The following KCNIP4 variants were observed in gnomAD, a reference collection of about 807,000 sequenced individuals.
KCNIP4 encodes the protein potassium voltage-gated channel interacting protein 4.
Under a neutral mutation model 34.0 loss-of-function variants are expected in KCNIP4, and 12 were observed. The ratio of observed to expected loss-of-function variants is 0.35; its 90% CI spans 0.23 to 0.57. The LOEUF is 0.57. KCNIP4 is among the 20% of genes least tolerant of loss of function. KCNIP4 has a pLI of 0.83. For synonymous variants in KCNIP4, 124 were observed against 102.2 expected, an observed-to-expected ratio of 1.21 and a Z score of -1.29; for missense variants, 238 against 311.7, an observed-to-expected ratio of 0.76 and a Z score of 1.78.
chr4:21,261,707 T>C (rs11722994), intron 1 of KCNIP4, among the ~76,000 whole-genome samples: 42,256 of 151,992 alleles, frequency 0.28, 6,176 homozygotes, highest in South Asian at 0.33. Context: ...CCTAATCTAT[T>C]AAGTCCTATT....
intron 1 of KCNIP4, among the ~76,000 whole-genome samples, chr4:21,797,032 A>G (rs1334173380): frequency 6.6e-6 from 1 of 152,316 alleles, no homozygotes; most frequent in East Asian, 1.9e-4. Flanking sequence ...ATTTTCTACC[A>G]TCACTAGTCA....
At position 21,571,779 on chromosome 4, in the gene KCNIP4, A is replaced by G. The variant is rs1276089355; in HGVS notation, c.61+376792T>C. On this transcript the variant is annotated intron_variant, in intron 1 of 8. Coordinates refer to ENST00000382152, the MANE Select transcript of KCNIP4 (RefSeq NM_025221.6). ...AGCTTGCAAACTCTGATAAATGTTT[A>G]AGATTTAATGGGGAGTGTCCACACA... is the stretch of plus-strand genomic sequence containing the variant. 2.0e-5 allele frequency among the ~76,000 whole-genome samples: 3 copies of G among 152,190 alleles called. No homozygotes were observed. In the East Asian group the frequency reaches 5.8e-4, roughly 29 times the overall value.
chr4:21,587,984 G>A (rs1389013478), intron 1 of KCNIP4, among the ~76,000 whole-genome samples: 1 of 151,944 alleles, frequency 6.6e-6, no homozygotes, highest in Non-Finnish European at 1.5e-5. Context: ...CTAATAAAAT[G>A]TTCCCTTTCT....
chr4:21,514,737 A>C (rs566926448), intron 1 of KCNIP4, among the ~76,000 whole-genome samples: 5 of 152,258 alleles, frequency 3.3e-5, no homozygotes, highest in African/African-American at 1.2e-4. Flanking sequence ...AAGTGAAAGA[A>C]AGACTCTCTC....
At chr4:20,899,370 G>T (rs1412440117) in intron 1 of KCNIP4, among the ~76,000 whole-genome samples, 1 of 152,120 alleles carries the variant, frequency 6.6e-6, no homozygotes, top group Non-Finnish European at 1.5e-5. Flanking sequence ...TTGAAAACAG[G>T]CCCTGCTGCT....
intron 1 of KCNIP4, among the ~76,000 whole-genome samples, chr4:21,320,717 T>A (rs1238912069): frequency 6.6e-6 from 1 of 152,018 alleles, no homozygotes; most frequent in Non-Finnish European, 1.5e-5. Flanking sequence ...ATGCCTGTAA[T>A]CTCAGCACTT....
In KCNIP4 at chr4:21,736,834, C is replaced by T. The variant is rs76756769; in HGVS notation, c.61+211737G>A. 1.1e-4 allele frequency among the ~76,000 whole-genome samples: 17 copies of T among 152,208 alleles called. No homozygotes were observed. In the East Asian group the frequency reaches 1.7e-3, roughly 16 times the overall value. ...ACACACAGTGTTCATTAAAAGCTTGCGCTCAATGTATATGAGTGACTAATC... is the reference window on the plus strand; with the variant it reads ...ACACACAGTGTTCATTAAAAGCTTGTGCTCAATGTATATGAGTGACTAATC... On this transcript the variant is annotated intron_variant, in intron 1 of 8. Transcript: ENST00000382152.
intron 3 of KCNIP4, among the ~76,000 whole-genome samples, chr4:20,764,975 G>A (rs1167619087): frequency 6.6e-6 from 1 of 152,078 alleles, no homozygotes; most frequent in Non-Finnish European, 1.5e-5. Flanking sequence ...CTGAAAGGTG[G>A]GTATTATTTA....
intron 1 of KCNIP4, among the ~76,000 whole-genome samples, chr4:20,972,886 A>G (rs1184659189): frequency 6.6e-6 from 1 of 152,240 alleles, no homozygotes; most frequent in Non-Finnish European, 1.5e-5. Context: ...AACTAGAATT[A>G]GAAGTGGAGC....
chr4:21,451,714 G>A (rs1728519454), intron 1 of KCNIP4, among the ~76,000 whole-genome samples: 1 of 152,112 alleles, frequency 6.6e-6, no homozygotes, highest in South Asian at 2.1e-4. Flanking sequence ...AAACACGTCA[G>A]TGGTGTTGGT....
chr4:21,269,100 G>A (rs1306709396), intron 1 of KCNIP4, among the ~76,000 whole-genome samples: 1 of 152,218 alleles, frequency 6.6e-6, no homozygotes, highest in African/African-American at 2.4e-5. Context: ...TGGTTTTATA[G>A]AGGAGAGTGA....
At chr4:20,851,999 C>T (rs564708709) in intron 2 of KCNIP4, among the ~76,000 whole-genome samples, 1 of 151,764 alleles carries the variant, frequency 6.6e-6, no homozygotes, top group African/African-American at 2.4e-5. Context: ...TGGGTGACAG[C>T]ATGAGACCCT....
At chr4:21,345,581 A>T (rs1020273677) in intron 1 of KCNIP4, among the ~76,000 whole-genome samples, 2 of 152,118 alleles carry the variant, frequency 1.3e-5, no homozygotes, top group Non-Finnish European at 2.9e-5. Context: ...ACACTTTTTA[A>T]TAAAAAAAAA....
At chr4:21,438,882 A>T (rs1727190553) in intron 1 of KCNIP4, among the ~76,000 whole-genome samples, 1 of 152,048 alleles carries the variant, frequency 6.6e-6, no homozygotes, top group South Asian at 2.1e-4. Context: ...TAGAGAAAGG[A>T]CGGGGCGTGG....
chr4:20,811,515 GC>G (rs1715761561), intron 3 of KCNIP4, among the ~76,000 whole-genome samples: 1 of 35,910 alleles, frequency 2.8e-5, no homozygotes, highest in African/African-American at 8.3e-5. Flanking sequence ...GTGTGTGTGT[GC>G]GCGCGCGCAC....
intron 1 of KCNIP4, among the ~76,000 whole-genome samples, chr4:21,116,809 ACTTT>A (rs1025113914): frequency 1.1e-4 from 17 of 152,194 alleles, no homozygotes; most frequent in Admixed American, 2.0e-4. Context: ...ATCCACTTTT[ACTTT>A]CTTTCTTTTT....
chr4:21,137,806 G>A lies in KCNIP4; in HGVS notation c.62-255097C>T, dbSNP rs2874891. Among the ~76,000 whole-genome samples, 1,093 of 149,328 alleles carry A rather than the reference G, an allele frequency of 7.3e-3. 11 individuals are homozygous for A. The highest frequency in any genetic ancestry group is 0.024 in the African/African-American group (985 of 40,346). ...AAACTCTAGATGTTATTATGAACACGTTTAGAAATAATAGTTAATAAAACA... is the reference window on the plus strand; with the variant it reads ...AAACTCTAGATGTTATTATGAACACATTTAGAAATAATAGTTAATAAAACA... On this transcript the variant is annotated intron_variant, in intron 1 of 8. Coordinates refer to ENST00000382152, the MANE Select transcript of KCNIP4 (RefSeq NM_025221.6).
At chr4:21,905,967 G>A (rs373878055) in intron 1 of KCNIP4, among the ~76,000 whole-genome samples, 13 of 152,184 alleles carry the variant, frequency 8.5e-5, no homozygotes, top group African/African-American at 2.9e-4. Flanking sequence ...TGTTTGCATA[G>A]ACCACAGGAC....
intron 1 of KCNIP4, among the ~76,000 whole-genome samples, chr4:20,905,075 T>C (rs922629475): frequency 1.3e-5 from 2 of 152,188 alleles, no homozygotes; most frequent in Non-Finnish European, 2.9e-5. Context: ...ATTTTGCATA[T>C]AGGAAGTGTG....
Sources: allele counts gnomAD v4.1 joint callset (sites outside exome capture counted in the v4.1 genomes callset), GRCh38; gene constraint gnomAD v4.1.1; transcripts MANE v1.5; gene names NCBI Gene and HGNC (gene_info 2026-07-23, HGNC 2026-07-21).